Variants in CAMTA1 observed in about 807,000 individuals in gnomAD.
CAMTA1 encodes the protein calmodulin-binding transcription activator 1.
Under a neutral mutation model 170.9 loss-of-function variants are expected in CAMTA1, and 27 were observed. That is an observed-to-expected ratio of 0.16 (90% CI 0.12 to 0.22). CAMTA1 has a LOEUF of 0.22. Ranked by LOEUF, CAMTA1 falls within the 10% of genes least tolerant of loss-of-function variation. CAMTA1 has a pLI of 1.00. For missense variants in CAMTA1, 1,619 were observed against 2,217.2 expected (o/e 0.73, Z 5.42); for synonymous variants, 833 against 891.5 (o/e 0.93, Z 1.17).
intron 5 of CAMTA1, among the ~76,000 whole-genome samples, chr1:7,310,686 C>T (rs761441834): frequency 0.079 from 3,108 of 39,286 alleles, 496 homozygotes; most frequent in African/African-American, 0.29. Context: ...CTTTCTCTCT[C>T]TCTCTCTCTC....
intron 6 of CAMTA1, among the ~76,000 whole-genome samples, chr1:7,614,768 G>T (rs2150714258): frequency 6.6e-6 from 1 of 152,270 alleles, no homozygotes; most frequent in African/African-American, 2.4e-5. Context: ...AGGCTCATCT[G>T]ATGGGCCCCC....
chr1:7,112,677 G>T (rs1644134645), intron 4 of CAMTA1, among the ~76,000 whole-genome samples: 1 of 152,200 alleles, frequency 6.6e-6, no homozygotes, highest in Non-Finnish European at 1.5e-5. Context: ...GGGGCCAGCA[G>T]CCTCCCGCTC....
intron 6 of CAMTA1, among the ~76,000 whole-genome samples, chr1:7,559,535 G>A (rs1030822777): frequency 3.3e-5 from 5 of 152,226 alleles, no homozygotes; most frequent in East Asian, 3.9e-4. Flanking sequence ...CCTGCCTGCC[G>A]ACTTGGTGTT....
chr1:6,886,126 T>G, intron 3 of CAMTA1: 1 of 440,634 alleles, frequency 2.3e-6, no homozygotes, highest in South Asian at 1.6e-5. Flanking sequence ...CACGTGGTTA[T>G]GGGTGGATGG....
chr1:7,142,169 A>G (rs1162753920), intron 4 of CAMTA1: 1 of 517,896 alleles, frequency 1.9e-6, no homozygotes, highest in East Asian at 5.5e-5. Flanking sequence ...TACTGCCAGC[A>G]CCCTCCCAGG....
intron 4 of CAMTA1, among the ~76,000 whole-genome samples, chr1:7,142,893 C>G (rs552051724): frequency 6.6e-6 from 1 of 152,358 alleles, no homozygotes; most frequent in Non-Finnish European, 1.5e-5. Flanking sequence ...TTCCCTGAAA[C>G]ACGAGAGGCT....
chr1:7,628,448 T>G (rs1235857480), intron 6 of CAMTA1, among the ~76,000 whole-genome samples: 1 of 152,204 alleles, frequency 6.6e-6, no homozygotes, highest in East Asian at 1.9e-4. Flanking sequence ...TGGAAACTCT[T>G]ATCAAAAGAG....
chr1:7,567,136 G>A (rs1037633699), intron 6 of CAMTA1, among the ~76,000 whole-genome samples: 6 of 152,198 alleles, frequency 3.9e-5, no homozygotes, highest in Admixed American at 6.5e-5. Flanking sequence ...GTCCGTTCCC[G>A]GAATGTGGTT....
chr1:7,176,615 T>G (rs1650888951), intron 4 of CAMTA1, among the ~76,000 whole-genome samples: 1 of 152,204 alleles, frequency 6.6e-6, no homozygotes, highest in African/African-American at 2.4e-5. Flanking sequence ...CTGGTTGCCC[T>G]GGGTTAGCCA....
rs947271643 is a variant in CAMTA1, at chr1:7,222,825, A to C, written c.303-26666A>C. 3.9e-5 allele frequency among the ~76,000 whole-genome samples: 6 copies of C among 152,352 alleles called. No individual in the cohort carries two copies. The South Asian group carries it at 1.2e-3, about 32-fold the overall frequency. On this transcript the variant is annotated intron_variant, in intron 4 of 22. Transcript: ENST00000303635. ...TCCAATCCTGGCTTCGCCGCGTGCC[A>C]GCTCTGCAGTGGTGCCAGCTTATCC...
chr1:7,328,121 G>T (rs549453523), intron 5 of CAMTA1, among the ~76,000 whole-genome samples: 1 of 152,088 alleles, frequency 6.6e-6, no homozygotes. Flanking sequence ...ACTAGGTGAG[G>T]GTTTGTTTTT....
At chr1:7,431,741 C>A (rs534730624) in intron 5 of CAMTA1, among the ~76,000 whole-genome samples, 74 of 152,330 alleles carry the variant, frequency 4.9e-4, no homozygotes, top group African/African-American at 1.6e-3. Flanking sequence ...CCAAGTGTCT[C>A]CCACTCCCAG....
At chr1:7,279,358 T>C (rs1035715492) in intron 5 of CAMTA1, among the ~76,000 whole-genome samples, 1 of 152,188 alleles carries the variant, frequency 6.6e-6, no homozygotes, top group Non-Finnish European at 1.5e-5. Flanking sequence ...CTCTTCTCCT[T>C]ATTTTTCTTT....
chr1:7,012,269 G>T (rs75110660), intron 3 of CAMTA1, among the ~76,000 whole-genome samples: 1 of 151,846 alleles, frequency 6.6e-6, no homozygotes, highest in Non-Finnish European at 1.5e-5. Context: ...CACTCCTCCC[G>T]CCCTCTCTCT....
At chr1:7,034,180 C>T (rs113024689) in intron 3 of CAMTA1, among the ~76,000 whole-genome samples, 1,856 of 152,172 alleles carry the variant, frequency 0.012, 41 homozygotes, top group African/African-American at 0.043. Flanking sequence ...TTGTTTGAGA[C>T]AGAGTCTCGC....
At chr1:6,990,565 T>C (rs1696184470) in intron 3 of CAMTA1, among the ~76,000 whole-genome samples, 1 of 152,184 alleles carries the variant, frequency 6.6e-6, no homozygotes, top group Non-Finnish European at 1.5e-5. Context: ...ATCTTAAGTG[T>C]GCCGTGCGAT....
chr1:7,253,093 A>T lies in CAMTA1; in HGVS notation c.438+3467A>T, dbSNP rs1260657290. On this transcript the variant is annotated intron_variant, in intron 5 of 22. Transcript: ENST00000303635. The stretch of plus-strand genomic sequence containing the variant: ...GGGATGACAAAGGTTGGCAGGAAGG[A>T]AAAAGAGGGTGGTTGCGATGTCACT... 3.3e-5 allele frequency among the ~76,000 whole-genome samples: 5 copies of T among 152,202 alleles called. No homozygotes were observed. In the East Asian group the frequency reaches 9.6e-4, roughly 29 times the overall value.
intron 5 of CAMTA1, among the ~76,000 whole-genome samples, chr1:7,351,322 A>G (rs1200345181): frequency 1.3e-5 from 2 of 152,272 alleles, no homozygotes; most frequent in East Asian, 3.8e-4. Flanking sequence ...GGAAATAGCC[A>G]GGTAGGAACT....
chr1:7,671,138 T>A, intron 10 of CAMTA1, 101 bp downstream of exon 10: 1 of 1,281,460 alleles, frequency 7.8e-7, no homozygotes, highest in Non-Finnish European at 1.1e-6. Flanking sequence ...GTCATGTCCT[T>A]ACTCTAGGCC....
Sources: allele counts gnomAD v4.1 joint callset (sites outside exome capture counted in the v4.1 genomes callset), GRCh38; gene constraint gnomAD v4.1.1; transcripts MANE v1.5; gene names NCBI Gene and HGNC (gene_info 2026-07-23, HGNC 2026-07-21).